The following SPRR2G variants were observed in gnomAD, a reference collection of about 807,000 sequenced individuals.
SPRR2G encodes small proline rich protein 2G, also known as small proline-rich protein 2G.
In SPRR2G, 1 loss-of-function variant was observed where a neutral mutation model predicts 0.7. That is an observed-to-expected ratio of 1.49 (90% CI 0.53 to 7.06). The LOEUF is 7.06. Among genes scored for constraint, SPRR2G ranks in the 30% most tolerant of loss-of-function variants. The probability of loss-of-function intolerance (pLI) is 0.14; values close to 1 mark genes in which losing one functional copy is unlikely to be tolerated. For missense variants in SPRR2G, 96 were observed against 88.5 expected (o/e 1.09, Z -0.34); for synonymous variants, 38 against 33.9 (o/e 1.12, Z -0.42).
At chr1:153,166,875 G>A in the SPRR2G span, among the ~76,000 whole-genome samples, 1 of 110,570 alleles carries the variant, frequency 9.0e-6, no homozygotes, top group East Asian at 3.4e-4. Context: ...CAGAATTTGA[G>A]GGCAGTTAAA....
the SPRR2G span, chr1:153,190,505 C>T: frequency 1.3e-5 from 2 of 152,324 alleles, no homozygotes; most frequent in African/African-American, 2.4e-5. Flanking sequence ...CAGAGTGCCA[C>T]GTTTTCAAAC....
At chr1:153,154,926 G>A (rs1330020958), upstream of SPRR2G, among the ~76,000 whole-genome samples, 1 of 152,030 alleles carries the variant, frequency 6.6e-6, no homozygotes, top group Non-Finnish European at 1.5e-5. Flanking sequence ...TATCTTCCTA[G>A]ACTTCTCTGC....
At chr1:153,168,904 A>ATGTGTGTGTGTGTG in the SPRR2G span, among the ~76,000 whole-genome samples, 353 of 148,158 alleles carry the variant, frequency 2.4e-3, 2 homozygotes, top group East Asian at 0.013. Flanking sequence ...TCATGAGTGT[A>ATGTGTGTGTGTGTG]TGTGTGTGTG....
chr1:153,149,987 G>A lies in SPRR2G; in HGVS notation c.124C>T (p.Pro42Ser), dbSNP rs1424359872. 1.2e-6 allele frequency: 2 copies of A among 1,614,046 alleles called. No homozygotes were observed. The highest frequency in any genetic ancestry group is 1.1e-5 in the South Asian group (1 of 91,078). ...GGTGGAGGTGGGCAATGCTCAGGTG[G>A]ACAAGGAGGAGGCAGGTAAGGCTCA... ...CPEPYLPPPCPPEHCPPPPCQ... is the reference protein window; with the variant it reads ...CPEPYLPPPCSPEHCPPPPCQ... Residue 42 changes from proline (P) to serine (S), a missense_variant, in exon 2 of 2, where the codon CCA becomes TCA. Transcript: ENST00000368748.
At chr1:153,173,142 G>T in the SPRR2G span, among the ~76,000 whole-genome samples, 2 of 152,142 alleles carry the variant, frequency 1.3e-5, no homozygotes, top group South Asian at 2.1e-4. Flanking sequence ...CCCCAAGAGG[G>T]CTTACTTCAC....
At chr1:153,178,413 A>G in the SPRR2G span, among the ~76,000 whole-genome samples, 1 of 152,142 alleles carries the variant, frequency 6.6e-6, no homozygotes, top group Non-Finnish European at 1.5e-5. Flanking sequence ...ATATTAGGGG[A>G]AAAATATTTC....
intron 1 of SPRR2G, 61 bp from the exon 2 acceptor site, chr1:153,150,192 G>A: frequency 6.3e-7 from 1 of 1,590,332 alleles, no homozygotes; most frequent in South Asian, 1.1e-5. Context: ...GGAGCAATTA[G>A]CTAGGACATC....
rs756018294 is a variant in SPRR2G, at chr1:153,149,970, T to A, written c.141A>T (p.Pro47=). The A allele has an allele frequency of 9.3e-6, 15 of 1,613,700 alleles. No individual in the cohort carries two copies. In the Admixed American group the frequency reaches 2.2e-4, roughly 23 times the overall value. ...GGCATTTATCCTGGCATGGTGGAGG[T>A]GGGCAATGCTCAGGTGGACAAGGAG... ...LPPPCPPEHC[P]PPPCQDKCPP... Residue 47 remains proline (P), a synonymous_variant, in exon 2 of 2, where the codon CCA becomes CCT. Transcript: ENST00000368748.
the SPRR2G span, among the ~76,000 whole-genome samples, chr1:153,156,356 C>T: frequency 7.2e-5 from 11 of 152,122 alleles, no homozygotes; most frequent in African/African-American, 1.7e-4. Context: ...ATTTGGGGCT[C>T]CTATATTTGG....
At chr1:153,201,737 G>A in the SPRR2G span, among the ~76,000 whole-genome samples, 1 of 152,146 alleles carries the variant, frequency 6.6e-6, no homozygotes. Flanking sequence ...TTATCCTTGT[G>A]AATAAACCCC....
the SPRR2G span, among the ~76,000 whole-genome samples, chr1:153,192,250 G>A: frequency 5.5e-3 from 831 of 152,242 alleles, 8 homozygotes; most frequent in African/African-American, 0.019. Context: ...ATGTCTCCTG[G>A]GTTCCTATCT....
upstream of SPRR2G, among the ~76,000 whole-genome samples, chr1:153,154,998 A>G (rs1018865595): frequency 2.6e-5 from 4 of 152,072 alleles, no homozygotes; most frequent in African/African-American, 7.2e-5. Flanking sequence ...GGTTTTCATA[A>G]TATCCACTTA....
upstream of SPRR2G, among the ~76,000 whole-genome samples, chr1:153,152,017 C>A (rs907601941): frequency 6.6e-5 from 10 of 152,140 alleles, no homozygotes; most frequent in African/African-American, 2.2e-4. Context: ...TATTTCCTAA[C>A]CTCCTTGAAA....
the SPRR2G span, among the ~76,000 whole-genome samples, chr1:153,156,154 G>T: frequency 6.6e-6 from 1 of 152,180 alleles, no homozygotes; most frequent in Admixed American, 6.5e-5. Context: ...CAACAATCTT[G>T]TGAGTTCTGA....
the SPRR2G span, among the ~76,000 whole-genome samples, chr1:153,179,293 A>G: frequency 6.6e-6 from 1 of 152,176 alleles, no homozygotes; most frequent in African/African-American, 2.4e-5. Context: ...CAACACCTAG[A>G]TTAGTATTTG....
chr1:153,162,114 G>T, the SPRR2G span, among the ~76,000 whole-genome samples: 2 of 151,984 alleles, frequency 1.3e-5, no homozygotes, highest in Non-Finnish European at 1.5e-5. Flanking sequence ...CAGATATTAA[G>T]CCTAGTACCC....
At chr1:153,170,808 A>G in the SPRR2G span, among the ~76,000 whole-genome samples, 6 of 151,992 alleles carry the variant, frequency 3.9e-5, no homozygotes, top group Non-Finnish European at 8.8e-5. Flanking sequence ...GCTGCCCACC[A>G]CCCTCTGAGA....
the SPRR2G span, among the ~76,000 whole-genome samples, chr1:153,183,321 A>G: frequency 6.6e-6 from 1 of 151,550 alleles, no homozygotes. Context: ...TCCCAACCTC[A>G]AGTGATCCAC....
the SPRR2G span, among the ~76,000 whole-genome samples, chr1:153,183,560 G>T: frequency 6.6e-6 from 1 of 151,976 alleles, no homozygotes. Flanking sequence ...ACTTTTTGTT[G>T]GGGTTGTTTG....
Sources: gnomAD v4.1 joint callset for allele counts (sites outside exome capture counted in the v4.1 genomes callset) on GRCh38, gnomAD v4.1.1 for gene constraint, MANE v1.5 for transcripts, NCBI Gene and HGNC (gene_info 2026-07-23, HGNC 2026-07-21) for gene names.